The following MIGA2 variants were observed in gnomAD, a reference collection of about 807,000 sequenced individuals.
MIGA2 encodes mitoguardin 2, also known as family with sequence similarity 73, member B.
In MIGA2, 36 loss-of-function variants were observed where a neutral mutation model predicts 69.9. The observed-to-expected ratio is 0.52, with a 90% CI of 0.39 to 0.68. MIGA2 has a LOEUF of 0.68. MIGA2 is among the 30% of genes least tolerant of loss of function. MIGA2 has a pLI of 0.00. For missense variants in MIGA2, 660 were observed against 787.7 expected, an observed-to-expected ratio of 0.84 and a Z score of 1.94; for synonymous variants, 333 against 349.2, an observed-to-expected ratio of 0.95 and a Z score of 0.52.
At chr9:129,039,042 G>A (rs537523768) in intron 1 of MIGA2, among the ~76,000 whole-genome samples, 1 of 151,682 alleles carries the variant, frequency 6.6e-6, no homozygotes, top group Non-Finnish European at 1.5e-5. Context: ...TGATCCGCCC[G>A]CCTCAGCCTT....
intron 10 of MIGA2, 79 bp from the exon 11 acceptor site, chr9:129,063,466 C>T (rs1475410610): frequency 6.3e-7 from 1 of 1,575,738 alleles, no homozygotes; most frequent in Non-Finnish European, 8.7e-7. Flanking sequence ...CCTACCTGGC[C>T]TCTTATGTGG....
chr9:129,042,478 A>G lies in MIGA2; in HGVS notation c.271A>G (p.Ile91Val). 4.4e-6 allele frequency: 7 copies of G among 1,596,682 alleles called. No homozygotes were observed. Among genetic ancestry groups the G allele is most frequent in the Non-Finnish European group, 6.0e-6 (7 of 1,172,398 alleles). Reference sequence around the variant, plus strand: ...GCAGCTGGGCACGGTGCCCCTCCCTATCCTCTTGGCCAGGAAGGTCCCTTC... The same window carrying G: ...GCAGCTGGGCACGGTGCCCCTCCCTGTCCTCTTGGCCAGGAAGGTCCCTTC... ...GEQLGTVPLP[I>V]LLARKVPSVK... The change falls in exon 3 of 16, where the codon ATC becomes GTC. Residue 91 changes from isoleucine to valine, a missense_variant. Ile to Val is a conservative substitution (Grantham distance 29). Transcript: ENST00000684074.
At position 129,069,268 on chromosome 9, in the gene MIGA2, C is replaced by A; in HGVS notation, c.1458+139C>A. On this transcript the variant is annotated intron_variant, in intron 14 of 15. Transcript: ENST00000684074. This position sits in a 1 kb window ranked among gnomAD's most constrained non-coding sequence, Gnocchi z 4.9. ...CCTGGCCCCCTTGTTCCGCCGTTAC[C>A]TCTCCCTGTGCCAGGAGCTCCCTGG... 1.8e-6 allele frequency: 2 copies of A among 1,082,462 alleles called. No homozygotes were observed. Among genetic ancestry groups the A allele is most frequent in the East Asian group, 2.4e-5 (1 of 41,720 alleles). 67.1% of individuals were successfully genotyped at this position (1,082,462 alleles called of 1,614,324 possible). A position where few individuals can be genotyped will look rare whatever the true frequency, so the allele number is the denominator to read the frequency against.
intron 1 of MIGA2, 80 bp from the exon 2 acceptor site, chr9:129,040,372 C>G (rs766212870): frequency 9.5e-7 from 1 of 1,055,634 alleles, no homozygotes; most frequent in Admixed American, 4.1e-5. Context: ...CCTCCTCCCC[C>G]ATGGACGCTC....
At chr9:129,047,692 C>A (rs973258950) in intron 3 of MIGA2, among the ~76,000 whole-genome samples, 9 of 151,598 alleles carry the variant, frequency 5.9e-5, no homozygotes, top group African/African-American at 1.9e-4. Flanking sequence ...GGATTACAGA[C>A]ATGATCCACC....
intron 3 of MIGA2, among the ~76,000 whole-genome samples, chr9:129,044,871 G>A (rs188957545): frequency 6.6e-6 from 1 of 152,040 alleles, no homozygotes; most frequent in African/African-American, 2.4e-5. Flanking sequence ...GGTTATGGGT[G>A]TGAGCCGCCG....
At position 129,061,349 on chromosome 9, in the gene MIGA2, G is replaced by T; in HGVS notation, c.1010+3G>T. On this transcript the variant is annotated splice_donor_region_variant and intron_variant, in intron 9 of 15. Transcript: ENST00000684074. This position sits in a 1 kb window ranked among gnomAD's most constrained non-coding sequence, Gnocchi z 5.0. ...AGAGTGCCTTGCCGGACCCTCAGGT[G>T]AGCAGGTGTGGAGGGAGGGAGGGAG... is the stretch of plus-strand genomic sequence containing the variant. 1 of 1,546,036 alleles carries T rather than the reference G, an allele frequency of 6.5e-7. No homozygotes were observed. Among genetic ancestry groups the T allele is most frequent in the South Asian group, 1.1e-5 (1 of 89,022 alleles).
In MIGA2 at chr9:129,059,027, G is replaced by C; in HGVS notation, c.676-127G>C. ...CTCTATCGAGCAGTGAAGTTTTGGA[G>C]TTTATGTGCTTAGCTGCTGGGTCCT... On this transcript the variant is annotated intron_variant, in intron 6 of 15. Coordinates refer to ENST00000684074, the MANE Select transcript of MIGA2 (RefSeq NM_001329990.2). The surrounding 1 kb of genome is among the most constrained non-coding windows in gnomAD (Gnocchi z 5.6). 1.3e-6 allele frequency: 1 copy of C among 750,812 alleles called. No homozygotes were observed. The highest frequency in any genetic ancestry group is 2.2e-6 in the Non-Finnish European group (1 of 451,674). The allele number at this position is 750,812 out of a possible 1,614,324, so 46.5% of individuals were successfully genotyped here. A position where few individuals can be genotyped will look rare whatever the true frequency, so the allele number is the denominator to read the frequency against.
chr9:129,054,936 G>A (rs1484508764), intron 6 of MIGA2, among the ~76,000 whole-genome samples: 1 of 152,148 alleles, frequency 6.6e-6, no homozygotes, highest in Non-Finnish European at 1.5e-5. Context: ...CTGTCGCCCT[G>A]GCTGGCGTGC....
At chr9:129,063,412 C>A in intron 10 of MIGA2, 96 bp downstream of exon 10, 1 of 1,554,530 alleles carries the variant, frequency 6.4e-7, no homozygotes, top group Non-Finnish European at 8.7e-7. Flanking sequence ...TGGTCCCTGG[C>A]CAGGCCTGCT....
chr9:129,043,955 C>G (rs947287153), intron 3 of MIGA2, among the ~76,000 whole-genome samples: 2 of 151,920 alleles, frequency 1.3e-5, no homozygotes, highest in African/African-American at 4.8e-5. Context: ...CTGCCTCGGC[C>G]TCCCAAAGTG....
intron 1 of MIGA2, among the ~76,000 whole-genome samples, chr9:129,038,890 G>T (rs566604241): frequency 6.7e-6 from 1 of 148,524 alleles, no homozygotes; most frequent in South Asian, 2.1e-4. Flanking sequence ...CTGCCTCCTG[G>T]ATTCAGGCGA....
rs573113509 is a variant in MIGA2 at position 129,068,539 on chromosome 9, A to G, written c.1404+207A>G. ...TGCCTGGTGCCCCAGTTTAGAACCA[A>G]CATGGTGTGCGCTTTCTTCCTATTG... On this transcript the variant is annotated intron_variant, in intron 13 of 15. Transcript: ENST00000684074. This position sits in a 1 kb window ranked among gnomAD's most constrained non-coding sequence, Gnocchi z 4.1. The G allele has an allele frequency of 2.0e-5, 12 of 593,652 alleles. No individual in the cohort carries two copies. The South Asian group carries it at 2.2e-4, about 11-fold the overall frequency. 36.8% of individuals were successfully genotyped at this position (593,652 alleles called of 1,614,324 possible).
intron 6 of MIGA2, among the ~76,000 whole-genome samples, chr9:129,053,553 G>A (rs1469646410): frequency 1.3e-5 from 2 of 151,984 alleles, no homozygotes; most frequent in African/African-American, 4.8e-5. Flanking sequence ...TTTTAGTAGA[G>A]ATGGAGTTTC....
rs1473942964 is a variant in MIGA2, at chr9:129,059,280, G to A, written c.793+9G>A. 8 of 1,561,196 alleles carry A rather than the reference G, an allele frequency of 5.1e-6. 1 individual carries two copies. The South Asian group carries it at 7.0e-5, about 14-fold the overall frequency. On this transcript the variant is annotated intron_variant, in intron 7 of 15. Transcript: ENST00000684074. The surrounding 1 kb of genome is among the most constrained non-coding windows in gnomAD (Gnocchi z 5.6). Reference sequence around the variant, plus strand: ...CATGCTGCTAGACCTCGGTGAGCTGGGCCCAGTGCAGGTGGGGTGGGCGTG... The same window carrying A: ...CATGCTGCTAGACCTCGGTGAGCTGAGCCCAGTGCAGGTGGGGTGGGCGTG...
At position 129,069,047 on chromosome 9, in the gene MIGA2, A is replaced by G. The variant is rs766088770; in HGVS notation, c.1405-29A>G. The G allele has an allele frequency of 6.2e-7, 1 of 1,613,418 alleles. No individual in the cohort carries two copies. Among genetic ancestry groups the G allele is most frequent in the East Asian group, 2.2e-5 (1 of 44,854 alleles). On this transcript the variant is annotated intron_variant, in intron 13 of 15. Transcript: ENST00000684074. The surrounding 1 kb of genome is among the most constrained non-coding windows in gnomAD (Gnocchi z 4.9). ...GGCTGTGGGCTAGGCCCATTTTGAC[A>G]CCCGGGGGACATCCTATTTTTGATG...
In MIGA2 at chr9:129,060,695, G is replaced by A. The variant is rs1846024257; in HGVS notation, c.894+45G>A. The A allele has an allele frequency of 6.7e-7, 1 of 1,482,166 alleles. No individual in the cohort carries two copies. The highest frequency in any genetic ancestry group is 2.0e-5 in the Admixed American group (1 of 50,544). 91.8% of individuals were successfully genotyped at this position (1,482,166 alleles called of 1,614,324 possible). A position where few individuals can be genotyped will look rare whatever the true frequency, so the allele number is the denominator to read the frequency against. On this transcript the variant is annotated intron_variant, in intron 8 of 15. Coordinates refer to ENST00000684074, the MANE Select transcript of MIGA2 (RefSeq NM_001329990.2). This position sits in a 1 kb window ranked among gnomAD's most constrained non-coding sequence, Gnocchi z 4.8. The stretch of plus-strand genomic sequence containing the variant: ...AAGCCTGGGGTGGGGTGAAGGCTGG[G>A]CCTCCTCTGCAGGTCCATGGGGCCA...
Position 129,063,641 on chromosome 9 carries a change from G to A in MIGA2, c.1170+10G>A. The A allele has an allele frequency of 6.4e-7, 1 of 1,560,396 alleles. No individual in the cohort carries two copies. The highest frequency in any genetic ancestry group is 8.8e-7 in the Non-Finnish European group (1 of 1,132,340). On this transcript the variant is annotated intron_variant, in intron 11 of 15. Coordinates refer to ENST00000684074, the MANE Select transcript of MIGA2 (RefSeq NM_001329990.2). ...GACCAAGGCTGAGAAGGTAGCAGGGGGTGGGGTGGGGGGGCAAATTATAAA... is the reference window on the plus strand; with the variant it reads ...GACCAAGGCTGAGAAGGTAGCAGGGAGTGGGGTGGGGGGGCAAATTATAAA...
intron 6 of MIGA2, among the ~76,000 whole-genome samples, chr9:129,052,956 A>G (rs537935976): frequency 6.6e-6 from 1 of 152,322 alleles, no homozygotes; most frequent in South Asian, 2.1e-4. Flanking sequence ...CAAGGGAGGT[A>G]GCTTTATTTC....
Sources: gnomAD v4.1 joint callset for allele counts (sites outside exome capture counted in the v4.1 genomes callset) on GRCh38, gnomAD v4.1.1 for gene constraint, Gnocchi (gnomAD v3.1) non-coding constraint, MANE v1.5 for transcripts, NCBI Gene and HGNC (gene_info 2026-07-23, HGNC 2026-07-21) for gene names.